Variants in THNSL1 observed in about 807,000 individuals in gnomAD.
The protein encoded by THNSL1 is threonine synthase like 1.
A neutral mutation model predicts 50.4 loss-of-function variants in THNSL1; 48 were observed. The ratio of observed to expected loss-of-function variants is 0.95; its 90% CI spans 0.76 to 1.21. The LOEUF is 1.21. Ranked by LOEUF, THNSL1 falls within the 50% of genes most tolerant of loss-of-function variation. The pLI is 0.00. For missense variants in THNSL1, 896 were observed against 871.7 expected, an observed-to-expected ratio of 1.03 and a Z score of -0.35; for synonymous variants, 309 against 306.1, an observed-to-expected ratio of 1.01 and a Z score of -0.10.
At chr10:24,981,886 T>G in the THNSL1 span, 6 of 152,220 alleles carry the variant, frequency 3.9e-5, no homozygotes. Flanking sequence ...ACTAACTGAT[T>G]GGTATGGAAT....
chr10:25,021,310 T>A (rs2132751355), intron 1 of THNSL1, among the ~76,000 whole-genome samples: 1 of 152,366 alleles, frequency 6.6e-6, no homozygotes, highest in East Asian at 1.9e-4. Flanking sequence ...TTGGGCTTTT[T>A]ATAGTGGATA....
chr10:25,023,388 C>CA lies in THNSL1; in HGVS notation c.170dup (p.Asn57LysfsTer32). On this transcript the variant is annotated frameshift_variant, in exon 3 of 3. Transcript: ENST00000376356. LOFTEE classifies it high-confidence loss of function. ...ATTCAACCCACTCTCTTGTTGGAGACAAAAATATTATCCTGATGGGACCTC... is the reference window on the plus strand; with the variant it reads ...ATTCAACCCACTCTCTTGTTGGAGACAAAAAATATTATCCTGATGGGACCTC... 1.9e-6 allele frequency: 3 copies of CA among 1,614,070 alleles called. No homozygotes were observed. The highest frequency in any genetic ancestry group is 2.5e-6 in the Non-Finnish European group (3 of 1,179,978).
chr10:24,977,741 A>T, the THNSL1 span, among the ~76,000 whole-genome samples: 1 of 152,228 alleles, frequency 6.6e-6, no homozygotes, highest in African/African-American at 2.4e-5. Context: ...TGTAATTATT[A>T]TGTATGTGTG....
the THNSL1 span, among the ~76,000 whole-genome samples, chr10:24,996,885 G>T: frequency 1.3e-5 from 2 of 152,148 alleles, no homozygotes; most frequent in Non-Finnish European, 2.9e-5. Context: ...TTGTAGAAAG[G>T]TCTTTAAAGA....
chr10:24,972,061 G>A, the THNSL1 span, among the ~76,000 whole-genome samples: 12 of 151,264 alleles, frequency 7.9e-5, 1 homozygote, highest in East Asian at 2.0e-4. Context: ...GCGTGGTAGC[G>A]GGCACCTGTA....
chr10:25,003,168 TAATTA>T, the THNSL1 span, among the ~76,000 whole-genome samples: 1 of 150,668 alleles, frequency 6.6e-6, no homozygotes, highest in African/African-American at 2.5e-5. Context: ...TTTAATTAAT[TAATTA>T]ATTAATTAAT....
the THNSL1 span, among the ~76,000 whole-genome samples, chr10:24,992,840 C>T: frequency 6.6e-6 from 1 of 152,128 alleles, no homozygotes; most frequent in African/African-American, 2.4e-5. Flanking sequence ...TCTGGGAGGC[C>T]AGTATTCTGG....
At chr10:24,986,715 C>T in the THNSL1 span, among the ~76,000 whole-genome samples, 1 of 152,030 alleles carries the variant, frequency 6.6e-6, no homozygotes, top group African/African-American at 2.4e-5. Flanking sequence ...CCAGTGTGTA[C>T]AATAACGTTT....
At chr10:25,008,778 A>G in the THNSL1 span, among the ~76,000 whole-genome samples, 2 of 151,982 alleles carry the variant, frequency 1.3e-5, no homozygotes, top group African/African-American at 2.4e-5. Context: ...AGGACCATAA[A>G]TCATGCTGCT....
chr10:24,984,803 C>T, the THNSL1 span: 1 of 1,613,688 alleles, frequency 6.2e-7, no homozygotes. Context: ...TGTTTCATTT[C>T]TTCTTCCAGC....
At chr10:24,961,022 C>A in the THNSL1 span, among the ~76,000 whole-genome samples, 1 of 152,170 alleles carries the variant, frequency 6.6e-6, no homozygotes, top group African/African-American at 2.4e-5. Context: ...CTGTTTATAA[C>A]TTTTTAAAAG....
chr10:24,989,546 T>C, the THNSL1 span, among the ~76,000 whole-genome samples: 1 of 152,218 alleles, frequency 6.6e-6, no homozygotes. Flanking sequence ...CATAGATCCA[T>C]AGTACCTCTC....
the THNSL1 span, chr10:24,999,587 G>T: frequency 6.6e-7 from 1 of 1,508,014 alleles, no homozygotes; most frequent in Non-Finnish European, 9.0e-7. Flanking sequence ...TATACTTCTA[G>T]TAAAAATTAC....
In THNSL1 at chr10:25,024,675, T is replaced by G. The variant is rs774302244; in HGVS notation, c.1452T>G (p.Ala484=). 1.2e-6 allele frequency: 2 copies of G among 1,614,148 alleles called. No individual in the cohort carries two copies. The highest frequency in any genetic ancestry group is 1.7e-6 in the Non-Finnish European group (2 of 1,180,056). The change falls in exon 3 of 3, where the codon GCT becomes GCG. Residue 484 remains alanine, a synonymous_variant. Coordinates refer to ENST00000376356, the MANE Select transcript of THNSL1 (RefSeq NM_024838.5). ...TACTTCCGCAGGTAGTTTATCATGC[T>G]TCCGCATATCTTGATCTTGTTAGTC... ...GRLLPQVVYH[A]SAYLDLVSQG...
intron 1 of THNSL1, among the ~76,000 whole-genome samples, chr10:25,019,267 A>C (rs908866668): frequency 3.3e-5 from 5 of 152,324 alleles, no homozygotes; most frequent in Middle Eastern, 3.4e-3. Context: ...TGAGCCCAGG[A>C]GTTGGAGACC....
the THNSL1 span, among the ~76,000 whole-genome samples, chr10:24,972,516 A>T: frequency 2.7e-5 from 4 of 146,534 alleles, no homozygotes; most frequent in African/African-American, 8.3e-5. Context: ...TCAAAAAAAA[A>T]AAAATAAATA....
the THNSL1 span, among the ~76,000 whole-genome samples, chr10:25,003,130 T>C: frequency 6.6e-6 from 1 of 152,052 alleles, no homozygotes; most frequent in Admixed American, 6.5e-5. Flanking sequence ...CAATAAATTT[T>C]CCAGAATAAA....
Position 25,025,493 on chromosome 10 carries a change from A to C in THNSL1, c.*38A>C. On this transcript the variant is annotated 3_prime_UTR_variant, in exon 3 of 3. Transcript: ENST00000376356. ...TAAATTTTTTTTTCTAGCTATAAGC[A>C]TGCAATAATAAATCTCAAACACTGA... is the stretch of plus-strand genomic sequence containing the variant. 2 of 1,545,246 alleles carry C rather than the reference A, an allele frequency of 1.3e-6. No homozygotes were observed. The highest frequency in any genetic ancestry group is 1.7e-6 in the Non-Finnish European group (2 of 1,145,774).
At chr10:24,999,469 G>T in the THNSL1 span, 3 of 1,612,950 alleles carry the variant, frequency 1.9e-6, no homozygotes, top group African/African-American at 2.7e-5. Flanking sequence ...TTCAACTTTT[G>T]CTGGTCCCAT....
Sources: gnomAD v4.1 joint callset for allele counts (sites outside exome capture counted in the v4.1 genomes callset) on GRCh38, gnomAD v4.1.1 for gene constraint, MANE v1.5 for transcripts, NCBI Gene and HGNC (gene_info 2026-07-23, HGNC 2026-07-21) for gene names.